Variants in ZNF700 observed in about 807,000 individuals in gnomAD.
ZNF700 encodes zinc finger protein 700.
A neutral mutation model predicts 65.3 loss-of-function variants in ZNF700; 38 were observed. The ratio of observed to expected loss-of-function variants is 0.58; its 90% CI spans 0.45 to 0.76. The LOEUF is 0.76. ZNF700 is among the 30% of genes least tolerant of loss of function. The pLI, the probability that ZNF700 is intolerant of heterozygous loss-of-function variation, is 0.00. For missense variants in ZNF700, 857 were observed against 888.4 expected, an observed-to-expected ratio of 0.96 and a Z score of 0.45; for synonymous variants, 285 against 290.4, an observed-to-expected ratio of 0.98 and a Z score of 0.19.
intron 1 of ZNF700, among the ~76,000 whole-genome samples, chr19:11,928,136 A>G (rs1166692406): frequency 6.6e-6 from 1 of 151,832 alleles, no homozygotes; most frequent in African/African-American, 2.4e-5. Context: ...ACAATTGCCC[A>G]CCAGCACACC....
chr19:11,927,331 G>C (rs750702801), intron 1 of ZNF700, among the ~76,000 whole-genome samples: 3 of 151,654 alleles, frequency 2.0e-5, no homozygotes, highest in Non-Finnish European at 1.5e-5. Context: ...CTCCAGTGTG[G>C]GTAACAGAGT....
At position 11,949,829 on chromosome 19, in the gene ZNF700, G is replaced by A. The variant is rs1165945439; in HGVS notation, c.1805G>A (p.Ser602Asn). ...YECKQCGKAF[S>N]CASNLRKHGR... ...TGTAAGCAATGTGGGAAAGCCTTCA[G>A]TTGTGCCTCAAACCTTCGAAAGCAT... The change falls in exon 4 of 4, where the codon AGT becomes AAT. Residue 602 changes from serine (S) to asparagine (N), a missense_variant. Ser to Asn is a conservative substitution (Grantham distance 46, BLOSUM62 1). Coordinates refer to ENST00000254321, the MANE Select transcript of ZNF700 (RefSeq NM_144566.3). 1 of 1,612,718 alleles carries A rather than the reference G, an allele frequency of 6.2e-7. No homozygotes were observed. The highest frequency in any genetic ancestry group is 8.5e-7 in the Non-Finnish European group (1 of 1,179,670).
chr19:11,950,488 C>A lies in ZNF700; in HGVS notation c.*235C>A. 1.5e-6 allele frequency: 1 copy of A among 653,274 alleles called. No homozygotes were observed. Among genetic ancestry groups the A allele is most frequent in the South Asian group, 1.7e-5 (1 of 59,544 alleles). The allele number at this position is 653,274 out of a possible 1,614,324, so 40.5% of individuals were successfully genotyped here. On this transcript the variant is annotated 3_prime_UTR_variant, in exon 4 of 4. Transcript: ENST00000254321. ...GAAACCCTATGAGTGTATTCTAGTT[C>A]CGTTTGATATCATGAAAGGACTTAC...
intron 1 of ZNF700, among the ~76,000 whole-genome samples, chr19:11,926,306 C>T (rs1972626729): frequency 6.6e-6 from 1 of 152,182 alleles, no homozygotes; most frequent in East Asian, 1.9e-4. Context: ...GTCTCACCTC[C>T]CATCCTGTCA....
chr19:11,941,638 A>C (rs1274651383), intron 1 of ZNF700, among the ~76,000 whole-genome samples: 1 of 151,524 alleles, frequency 6.6e-6, no homozygotes, highest in African/African-American at 2.4e-5. Context: ...GCTGGCCCGC[A>C]AGCGCCGCGC....
At chr19:11,942,403 C>T (rs914992815) in intron 1 of ZNF700, among the ~76,000 whole-genome samples, 2 of 151,916 alleles carry the variant, frequency 1.3e-5, no homozygotes, top group Admixed American at 1.3e-4. Context: ...TGCTACAGAC[C>T]CACAGTCCAA....
At position 11,949,120 on chromosome 19, in the gene ZNF700, A is replaced by T; in HGVS notation, c.1096A>T (p.Ile366Leu). The T allele has an allele frequency of 6.2e-7, 1 of 1,612,350 alleles. No homozygotes were observed. The highest frequency in any genetic ancestry group is 1.7e-4 in the Middle Eastern group (1 of 6,054). Residue 366 changes from isoleucine to leucine, a missense_variant, in exon 4 of 4, where the codon ATA (isoleucine) becomes TTA (leucine). Physicochemically the swap from Ile to Leu is conservative, Grantham distance 5 (BLOSUM62 2). Around this residue, in one of 3 missense-constraint regions of ZNF700, gnomAD observed 603 missense variants for 619.9 expected, o/e 0.97. Transcript: ENST00000254321. ...TGGAGAAAGACCTTATAAATGTAAG[A>T]TATGTGGGAAAGGCTTTTATTCTGC... Reference protein sequence around the residue: ...NSGERPYKCKICGKGFYSAKS... With the variant: ...NSGERPYKCKLCGKGFYSAKS...
At chr19:11,940,714 T>C (rs1423468133) in intron 1 of ZNF700, among the ~76,000 whole-genome samples, 1 of 152,212 alleles carries the variant, frequency 6.6e-6, no homozygotes, top group African/African-American at 2.4e-5. Flanking sequence ...CCTGCTTTTA[T>C]TCTCTTATCT....
At chr19:11,941,534 C>A (rs1972883886) in intron 1 of ZNF700, among the ~76,000 whole-genome samples, 1 of 152,232 alleles carries the variant, frequency 6.6e-6, no homozygotes, top group Admixed American at 6.5e-5. Flanking sequence ...CAGCCGCTGG[C>A]CCAGGTGCTA....
chr19:11,931,645 A>G (rs767356990), intron 1 of ZNF700, among the ~76,000 whole-genome samples: 9 of 148,446 alleles, frequency 6.1e-5, no homozygotes, highest in Non-Finnish European at 1.2e-4. Context: ...TTCATAAAAT[A>G]TAACTGTAGG....
At chr19:11,935,230 CTTG>C (rs1972775806) in intron 1 of ZNF700, among the ~76,000 whole-genome samples, 1 of 115,158 alleles carries the variant, frequency 8.7e-6, no homozygotes, top group East Asian at 2.8e-4. Context: ...TTGGAAAGAT[CTTG>C]TTTTTTTTTT....
chr19:11,941,507 A>T lies in ZNF700; in HGVS notation c.64-5674A>T, dbSNP rs577791608. Reference sequence around the variant, plus strand: ...ACCGGTGGGCTGGCACTACTGGGGGACCCAGTACACCCTCTGCAGCCGCTG... The same window carrying T: ...ACCGGTGGGCTGGCACTACTGGGGGTCCCAGTACACCCTCTGCAGCCGCTG... On this transcript the variant is annotated intron_variant, in intron 1 of 3. Transcript: ENST00000254321. Among the ~76,000 whole-genome samples the T allele has an allele frequency of 7.2e-5, 11 of 152,172 alleles. No homozygotes were observed. In the East Asian group the frequency reaches 2.1e-3, roughly 29 times the overall value.
At chr19:11,935,992 A>G (rs1270584919) in intron 1 of ZNF700, among the ~76,000 whole-genome samples, 1 of 152,198 alleles carries the variant, frequency 6.6e-6, no homozygotes, top group African/African-American at 2.4e-5. Context: ...TCTGCTGAGT[A>G]TGATGATTTC....
chr19:11,948,372 G>A lies in ZNF700; in HGVS notation c.348G>A (p.Glu116=). Residue 116 remains glutamate, a synonymous_variant, in exon 4 of 4, where the codon GAG becomes GAA. Coordinates refer to ENST00000254321, the MANE Select transcript of ZNF700 (RefSeq NM_144566.3). The part of the protein sequence containing the change: ...QVPDDRLNFQ[E]KKASPEVKSC... ...CAGATGACAGACTGAACTTCCAGGA[G>A]AAGAAAGCTTCTCCTGAAGTAAAAT... 6.2e-7 allele frequency: 1 copy of A among 1,614,010 alleles called. No individual in the cohort carries two copies. The highest frequency in any genetic ancestry group is 8.5e-7 in the Non-Finnish European group (1 of 1,179,900).
rs780833908 is a variant in ZNF700, at chr19:11,947,284, C to G, written c.167C>G (p.Thr56Ser). 4 of 1,614,018 alleles carry G rather than the reference C, an allele frequency of 2.5e-6. No individual in the cohort carries two copies. The highest frequency in any genetic ancestry group is 3.4e-6 in the Non-Finnish European group (4 of 1,179,972). ...CTCTTCAGGGAAGTGATGCTGGAAA[C>G]TTTCAGGAACCTGACCTCTATAGGT... Reference protein sequence around the residue: ...KNLFREVMLETFRNLTSIGKK... With the variant: ...KNLFREVMLESFRNLTSIGKK... Residue 56 changes from threonine to serine, a missense_variant, in exon 2 of 4, where the codon ACT (threonine) becomes AGT (serine). Thr to Ser is a moderately conservative substitution (Grantham distance 58). Coordinates refer to ENST00000254321, the MANE Select transcript of ZNF700 (RefSeq NM_144566.3).
Position 11,949,482 on chromosome 19 carries a change from G to A in ZNF700, c.1458G>A (p.Val486=). ...AATGTGGGAAAGCCTTCAGATATGTGAAGCACCTTCAAATTCATGAAAGGA... is the reference window on the plus strand; with the variant it reads ...AATGTGGGAAAGCCTTCAGATATGTAAAGCACCTTCAAATTCATGAAAGGA... ...CKECGKAFRY[V]KHLQIHERTE... Residue 486 remains valine (V), a synonymous_variant, in exon 4 of 4, where the codon GTG becomes GTA. Coordinates refer to ENST00000254321, the MANE Select transcript of ZNF700 (RefSeq NM_144566.3). 1 of 1,606,636 alleles carries A rather than the reference G, an allele frequency of 6.2e-7. No individual in the cohort carries two copies. Among genetic ancestry groups the A allele is most frequent in the South Asian group, 1.1e-5 (1 of 90,080 alleles).
chr19:11,949,122 A>C lies in ZNF700; in HGVS notation c.1098A>C (p.Ile366=). The C allele has an allele frequency of 6.2e-7, 1 of 1,612,458 alleles. No individual in the cohort carries two copies. Among genetic ancestry groups the C allele is most frequent in the Non-Finnish European group, 8.5e-7 (1 of 1,179,672 alleles). The part of the protein sequence containing the change: ...NSGERPYKCK[I]CGKGFYSAKS... Reference sequence around the variant, plus strand: ...GAGAAAGACCTTATAAATGTAAGATATGTGGGAAAGGCTTTTATTCTGCCA... The same window carrying C: ...GAGAAAGACCTTATAAATGTAAGATCTGTGGGAAAGGCTTTTATTCTGCCA... The change falls in exon 4 of 4, where the codon ATA becomes ATC. Residue 366 remains isoleucine, a synonymous_variant. Transcript: ENST00000254321.
At chr19:11,940,344 C>T (rs538406944) in intron 1 of ZNF700, among the ~76,000 whole-genome samples, 2 of 152,148 alleles carry the variant, frequency 1.3e-5, no homozygotes, top group East Asian at 3.9e-4. Flanking sequence ...GTGAGTGTTA[C>T]AGCTCTTAAG....
intron 1 of ZNF700, among the ~76,000 whole-genome samples, chr19:11,941,297 ACTC>A (rs1433832054): frequency 1.3e-5 from 2 of 152,112 alleles, no homozygotes; most frequent in African/African-American, 2.4e-5. Flanking sequence ...ATGCGCCCGC[ACTC>A]CTCAGCCCTT....
Sources: gnomAD v4.1 joint callset for allele counts (sites outside exome capture counted in the v4.1 genomes callset) on GRCh38, gnomAD v4.1.1 for gene constraint, gnomAD v4.1.1 regional missense constraint, MANE v1.5 for transcripts, NCBI Gene and HGNC (gene_info 2026-07-23, HGNC 2026-07-21) for gene names.